EFNA5: variants seen among roughly 807,000 people sequenced by gnomAD.
EFNA5 encodes ephrin-A5.
In EFNA5, 5 loss-of-function variants were observed where a neutral mutation model predicts 22.9. The observed-to-expected ratio is 0.22, with a 90% CI of 0.11 to 0.46. The LOEUF is 0.46. Among genes scored for constraint, EFNA5 ranks in the 20% least tolerant of loss-of-function variants. The probability of loss-of-function intolerance (pLI) is 0.99; values close to 1 mark genes in which losing one functional copy is unlikely to be tolerated. For missense variants in EFNA5, 237 were observed against 293.3 expected, an observed-to-expected ratio of 0.81 and a Z score of 1.40; for synonymous variants, 113 against 112.2, an observed-to-expected ratio of 1.01 and a Z score of -0.04.
chr5:107,513,218 AG>A (rs746721173), intron 1 of EFNA5, among the ~76,000 whole-genome samples: 3 of 152,152 alleles, frequency 2.0e-5, no homozygotes, highest in Non-Finnish European at 4.4e-5. Flanking sequence ...CTGGGAAAAG[AG>A]GGGCAGCTTT....
At chr5:107,554,254 C>T (rs1181312800) in intron 1 of EFNA5, among the ~76,000 whole-genome samples, 1 of 152,086 alleles carries the variant, frequency 6.6e-6, no homozygotes, top group Non-Finnish European at 1.5e-5. Flanking sequence ...TAACAAATTA[C>T]AAAAGGGAGA....
chr5:107,667,531 T>TG (rs1456909851), intron 1 of EFNA5, among the ~76,000 whole-genome samples: 3 of 152,156 alleles, frequency 2.0e-5, no homozygotes, highest in Non-Finnish European at 4.4e-5. Context: ...TTAATCCCTG[T>TG]GATCAAGATA....
chr5:107,473,140 T>C (rs1456698169), intron 1 of EFNA5, among the ~76,000 whole-genome samples: 1 of 152,124 alleles, frequency 6.6e-6, no homozygotes, highest in Admixed American at 6.6e-5. Context: ...AGATCTGATG[T>C]TGGAAGTTGT....
chr5:107,542,047 TTCCCA>T (rs1748060111), intron 1 of EFNA5, among the ~76,000 whole-genome samples: 1 of 152,122 alleles, frequency 6.6e-6, no homozygotes, highest in South Asian at 2.1e-4. Flanking sequence ...AAAATCAACT[TTCCCA>T]AAACAAATCA....
intron 1 of EFNA5, among the ~76,000 whole-genome samples, chr5:107,442,447 C>T (rs905939577): frequency 6.6e-6 from 1 of 152,132 alleles, no homozygotes; most frequent in Admixed American, 6.5e-5. Context: ...GGGCATCCAG[C>T]TTTCCAGTGT....
chr5:107,617,309 C>G (rs138241252), intron 1 of EFNA5, among the ~76,000 whole-genome samples: 61 of 151,630 alleles, frequency 4.0e-4, no homozygotes, highest in African/African-American at 1.5e-3. Flanking sequence ...GAAAATGGAA[C>G]TGGAACAGTA....
intron 1 of EFNA5, among the ~76,000 whole-genome samples, chr5:107,469,878 A>C (rs1199467776): frequency 6.6e-6 from 1 of 152,202 alleles, no homozygotes; most frequent in Non-Finnish European, 1.5e-5. Context: ...CTCCATTTGG[A>C]AGCTTCAAAT....
chr5:107,378,146 T>C lies in EFNA5; in HGVS notation c.*3109A>G, dbSNP rs900950990. 7 of 152,028 alleles carry C rather than the reference T, an allele frequency of 4.6e-5. No homozygotes were observed. The highest frequency in any genetic ancestry group is 9.7e-5 in the African/African-American group (4 of 41,414). The allele number at this position is 152,028 out of a possible 1,614,324, so 9.4% of individuals were successfully genotyped here. On this transcript the variant is annotated 3_prime_UTR_variant, in exon 5 of 5. Coordinates refer to ENST00000333274, the MANE Select transcript of EFNA5 (RefSeq NM_001962.3). ...ATTAATACTTTATTATCAAACACTA[T>C]GTACAACAGAGGTTGCTAATAATAC...
At position 107,418,485 on chromosome 5, in the gene EFNA5, C is replaced by A. The variant is rs138977706; in HGVS notation, c.418+8732G>T. 3.0e-3 allele frequency among the ~76,000 whole-genome samples: 451 copies of A among 152,272 alleles called. 1 individual carries two copies. Among genetic ancestry groups the A allele is most frequent in the African/African-American group, 0.01 (433 of 41,548 alleles). On this transcript the variant is annotated intron_variant, in intron 2 of 4. Transcript: ENST00000333274. ...AAAAGAACAATCCTTTAATTTGTTT[C>A]CATTTCACCATTGAGTCTCAGTAGG... is the stretch of plus-strand genomic sequence containing the variant.
intron 1 of EFNA5, among the ~76,000 whole-genome samples, chr5:107,480,921 A>G (rs1750442137): frequency 6.6e-6 from 1 of 152,256 alleles, no homozygotes; most frequent in Non-Finnish European, 1.5e-5. Flanking sequence ...AGACAGCTTT[A>G]TATGACAGAA....
At position 107,613,435 on chromosome 5, in the gene EFNA5, G is replaced by T. The variant is rs575137618; in HGVS notation, c.125+57054C>A. Among the ~76,000 whole-genome samples the T allele has an allele frequency of 4.1e-4, 62 of 152,174 alleles. 1 individual carries two copies. The South Asian group carries it at 0.013, about 31-fold the overall frequency. On this transcript the variant is annotated intron_variant, in intron 1 of 4. Coordinates refer to ENST00000333274, the MANE Select transcript of EFNA5 (RefSeq NM_001962.3). ...ATGTTTTAAGTATCCTAAAATGGATGAAAACACCAAAACCCCGTTAAAAAC... is the reference window on the plus strand; with the variant it reads ...ATGTTTTAAGTATCCTAAAATGGATTAAAACACCAAAACCCCGTTAAAAAC...
intron 1 of EFNA5, among the ~76,000 whole-genome samples, chr5:107,521,945 C>G (rs755067551): frequency 1.3e-5 from 2 of 152,162 alleles, no homozygotes; most frequent in Non-Finnish European, 2.9e-5. Flanking sequence ...CAATTTGCCT[C>G]AGCCTCTGGA....
At chr5:107,603,198 C>G (rs17160243) in intron 1 of EFNA5, among the ~76,000 whole-genome samples, 1 of 152,152 alleles carries the variant, frequency 6.6e-6, no homozygotes, top group Non-Finnish European at 1.5e-5. Context: ...CCTGGACACT[C>G]TAGATGAATT....
At chr5:107,430,627 CA>C (rs1318311857) in intron 1 of EFNA5, among the ~76,000 whole-genome samples, 1 of 152,068 alleles carries the variant, frequency 6.6e-6, no homozygotes, top group Non-Finnish European at 1.5e-5. Context: ...TTTACTAAAG[CA>C]AACTGTGAGG....
rs115059589 is a variant in EFNA5, at chr5:107,417,199, A to G, written c.418+10018T>C. ...ACTTAGCTAACATTAATGTAGATAA[A>G]GCTAGTTGGAAATATTGTATATCTC... On this transcript the variant is annotated intron_variant, in intron 2 of 4. Coordinates refer to ENST00000333274, the MANE Select transcript of EFNA5 (RefSeq NM_001962.3). 3.4e-3 allele frequency among the ~76,000 whole-genome samples: 524 copies of G among 152,354 alleles called. 3 individuals carry two copies. The highest frequency in any genetic ancestry group is 0.012 in the African/African-American group (501 of 41,586).
chr5:107,382,796 T>C (rs1747506119), intron 4 of EFNA5, among the ~76,000 whole-genome samples: 1 of 152,110 alleles, frequency 6.6e-6, no homozygotes, highest in African/African-American at 2.4e-5. Context: ...CATCTGGGAA[T>C]TGCTCAAGGG....
At chr5:107,456,390 A>C (rs967060514) in intron 1 of EFNA5, among the ~76,000 whole-genome samples, 3 of 152,160 alleles carry the variant, frequency 2.0e-5, no homozygotes, top group African/African-American at 7.2e-5. Flanking sequence ...GCTCTTGAAG[A>C]AGCCAGCTGT....
At chr5:107,524,711 T>G (rs1437088866) in intron 1 of EFNA5, among the ~76,000 whole-genome samples, 1 of 152,164 alleles carries the variant, frequency 6.6e-6, no homozygotes, top group African/African-American at 2.4e-5. Flanking sequence ...GAGGTAACTT[T>G]CCTTGATATC....
intron 1 of EFNA5, among the ~76,000 whole-genome samples, chr5:107,645,854 T>C (rs906359643): frequency 2.0e-5 from 3 of 152,224 alleles, no homozygotes; most frequent in South Asian, 4.1e-4. Context: ...GTACCAGTAA[T>C]AGAGCCAAAC....
Sources: allele counts gnomAD v4.1 joint callset (sites outside exome capture counted in the v4.1 genomes callset), GRCh38; gene constraint gnomAD v4.1.1; transcripts MANE v1.5; gene names NCBI Gene and HGNC (gene_info 2026-07-23, HGNC 2026-07-21).